The following EXOC6B variants were observed in gnomAD, a reference collection of about 807,000 sequenced individuals.
EXOC6B encodes exocyst complex component 6B.
A neutral mutation model predicts 113.5 loss-of-function variants in EXOC6B; 54 were observed. The ratio of observed to expected loss-of-function variants is 0.48; its 90% confidence interval spans 0.38 to 0.60. The LOEUF (loss-of-function observed/expected upper bound fraction) is 0.60. Ranked by LOEUF, EXOC6B falls within the 20% of genes least tolerant of loss-of-function variation. The pLI, the probability that EXOC6B is intolerant of heterozygous loss-of-function variation, is 0.00. For synonymous variants in EXOC6B, 357 were observed against 339.0 expected (o/e 1.05, Z -0.58); for missense variants, 797 against 977.5 (o/e 0.82, Z 2.46).
intron 19 of EXOC6B, among the ~76,000 whole-genome samples, chr2:72,371,660 A>C (rs1261480717): frequency 6.6e-6 from 1 of 152,170 alleles, no homozygotes; most frequent in Non-Finnish European, 1.5e-5. Context: ...AATCCTAAAA[A>C]ATCTGGGTAT....
intron 7 of EXOC6B, among the ~76,000 whole-genome samples, chr2:72,572,267 T>C (rs1197416768): frequency 6.6e-6 from 1 of 152,154 alleles, no homozygotes; most frequent in Non-Finnish European, 1.5e-5. Flanking sequence ...AGCTCCATCC[T>C]CACCAGGGAC....
At chr2:72,334,590 C>A (rs1000766526) in intron 20 of EXOC6B, among the ~76,000 whole-genome samples, 15 of 152,150 alleles carry the variant, frequency 9.9e-5, no homozygotes, top group African/African-American at 3.6e-4. Context: ...AGCAGGCAGT[C>A]TCTGCATCAG....
At chr2:72,417,808 T>C (rs551007935) in intron 18 of EXOC6B, among the ~76,000 whole-genome samples, 119 of 152,262 alleles carry the variant, frequency 7.8e-4, no homozygotes, top group Non-Finnish European at 1.5e-3. Context: ...TTTTATGTAA[T>C]GTTTATATCG....
chr2:72,237,321 C>T (rs1160811523), intron 20 of EXOC6B, among the ~76,000 whole-genome samples: 3 of 152,136 alleles, frequency 2.0e-5, no homozygotes, highest in Non-Finnish European at 4.4e-5. Context: ...TAGTTTTGCT[C>T]ATTGATTTTT....
intron 6 of EXOC6B, among the ~76,000 whole-genome samples, chr2:72,587,916 A>G (rs1705693699): frequency 6.6e-6 from 1 of 152,162 alleles, no homozygotes; most frequent in African/African-American, 2.4e-5. Context: ...ACAAATGTCC[A>G]ACAAAAATAT....
rs890062689 is a variant in EXOC6B, at chr2:72,634,907, G to A, written c.670-59239C>T. Among the ~76,000 whole-genome samples, 53 of 150,798 alleles carry A rather than the reference G, an allele frequency of 3.5e-4. 1 individual carries two copies. Among genetic ancestry groups the A allele is most frequent in the African/African-American group, 1.2e-3 (51 of 40,984 alleles). On this transcript the variant is annotated intron_variant, in intron 6 of 21. Coordinates refer to ENST00000272427, the MANE Select transcript of EXOC6B (RefSeq NM_015189.3). ...TAAACAAATAGAAATCATAGGGTGT[G>A]ATCTCTGAAAATAATGAATCTCCTA...
chr2:72,292,599 T>C (rs6711265), intron 20 of EXOC6B, among the ~76,000 whole-genome samples: 62,979 of 151,806 alleles, frequency 0.41, 18,808 homozygotes, highest in African/African-American at 0.85. Flanking sequence ...ATGTGTTGAT[T>C]CATGTAACCA....
At chr2:72,321,802 G>A (rs980073849) in intron 20 of EXOC6B, among the ~76,000 whole-genome samples, 2 of 152,128 alleles carry the variant, frequency 1.3e-5, no homozygotes, top group Admixed American at 6.6e-5. Flanking sequence ...TGTGATCTTG[G>A]TAGTGGTAAT....
At chr2:72,291,608 T>A (rs1157751212) in intron 20 of EXOC6B, among the ~76,000 whole-genome samples, 2 of 152,202 alleles carry the variant, frequency 1.3e-5, no homozygotes, top group Non-Finnish European at 2.9e-5. Flanking sequence ...GCCTTGGTTG[T>A]TTTCCACTCA....
At chr2:72,638,747 G>A (rs911705190) in intron 6 of EXOC6B, among the ~76,000 whole-genome samples, 2 of 152,206 alleles carry the variant, frequency 1.3e-5, no homozygotes, top group African/African-American at 4.8e-5. Context: ...CTCATGTGGA[G>A]CCTAGAGGGT....
intron 20 of EXOC6B, among the ~76,000 whole-genome samples, chr2:72,211,824 T>A (rs551064604): frequency 2.6e-5 from 4 of 152,352 alleles, no homozygotes; most frequent in African/African-American, 9.6e-5. Flanking sequence ...AGGTTGTATA[T>A]CAATTTGGTT....
intron 17 of EXOC6B, among the ~76,000 whole-genome samples, chr2:72,471,282 T>G (rs1017838567): frequency 6.6e-6 from 1 of 152,206 alleles, no homozygotes; most frequent in Non-Finnish European, 1.5e-5. Context: ...GAAGTGTCTG[T>G]TCATGTCCTT....
At chr2:72,652,328 T>C (rs1674236329) in intron 6 of EXOC6B, among the ~76,000 whole-genome samples, 1 of 152,210 alleles carries the variant, frequency 6.6e-6, no homozygotes, top group South Asian at 2.1e-4. Context: ...AGTGTTCTAA[T>C]TGAAATCTAA....
At chr2:72,481,077 C>T (rs1374296060) in intron 16 of EXOC6B, among the ~76,000 whole-genome samples, 2 of 152,150 alleles carry the variant, frequency 1.3e-5, no homozygotes, top group Non-Finnish European at 2.9e-5. Flanking sequence ...TGAGTTCTCA[C>T]AGATTTGATG....
At chr2:72,272,582 C>T (rs1013132475) in intron 20 of EXOC6B, among the ~76,000 whole-genome samples, 2 of 152,132 alleles carry the variant, frequency 1.3e-5, no homozygotes, top group Non-Finnish European at 2.9e-5. Flanking sequence ...TCCTATAAAA[C>T]AGCATTTCTC....
intron 5 of EXOC6B, among the ~76,000 whole-genome samples, chr2:72,723,738 G>C (rs1286931507): frequency 7.4e-6 from 1 of 135,294 alleles, no homozygotes; most frequent in Non-Finnish European, 1.5e-5. Flanking sequence ...AGTATTTATA[G>C]CTTAAAAAAA....
intron 6 of EXOC6B, among the ~76,000 whole-genome samples, chr2:72,707,547 G>A (rs1030212681): frequency 1.3e-5 from 2 of 151,760 alleles, no homozygotes; most frequent in South Asian, 2.1e-4. Context: ...CCGAGTAGCT[G>A]GGATTACAGG....
At chr2:72,244,613 G>T (rs1027099634) in intron 20 of EXOC6B, among the ~76,000 whole-genome samples, 1 of 151,874 alleles carries the variant, frequency 6.6e-6, no homozygotes, top group South Asian at 2.1e-4. Context: ...CAAAAACCTG[G>T]TTCTTTAAAA....
At chr2:72,431,169 G>A (rs576610020) in intron 18 of EXOC6B, among the ~76,000 whole-genome samples, 30 of 152,026 alleles carry the variant, frequency 2.0e-4, no homozygotes, top group East Asian at 1.7e-3. Context: ...AATTTTTAGC[G>A]TTTAATACTT....
Sources: gnomAD v4.1 joint callset for allele counts (sites outside exome capture counted in the v4.1 genomes callset) on GRCh38, gnomAD v4.1.1 for gene constraint, MANE v1.5 for transcripts, NCBI Gene and HGNC (gene_info 2026-07-23, HGNC 2026-07-21) for gene names.